The following LOXL2 variants were observed in gnomAD, a reference collection of about 807,000 sequenced individuals.
LOXL2 encodes lysyl oxidase like 2.
LOXL2 carries 70 observed loss-of-function variants against 93.0 expected under a neutral mutation model. The observed-to-expected ratio is 0.75, with a 90% CI of 0.62 to 0.92. The LOEUF (loss-of-function observed/expected upper bound fraction) is 0.92, where lower values mean the gene tolerates loss of function less well. Ranked by LOEUF, LOXL2 falls within the 40% of genes least tolerant of loss-of-function variation. The pLI, the probability that LOXL2 is intolerant of heterozygous loss-of-function variation, is 0.00. For synonymous variants in LOXL2, 438 were observed against 413.2 expected, an observed-to-expected ratio of 1.06 and a Z score of -0.73; for missense variants, 973 against 1,054.9, an observed-to-expected ratio of 0.92 and a Z score of 1.08.
At position 23,368,078 on chromosome 8, in the gene LOXL2, C is replaced by A. The variant is rs775789952; in HGVS notation, c.274G>T (p.Ala92Ser). The stretch of plus-strand genomic sequence containing the variant: ...AGCTCCCGGCAGACGACGTGGGCAG[C>A]GTGGATGGAGAAGTCGTCATCGCAC... ...TVCDDDFSIH[A>S]AHVVCRELGY... is the part of the protein sequence containing the mutation. Residue 92 changes from alanine (A) to serine (S), a missense_variant, in exon 2 of 14, where the codon GCT (alanine) becomes TCT (serine). Transcript: ENST00000389131. 7 of 1,613,930 alleles carry A rather than the reference C, an allele frequency of 4.3e-6. No individual in the cohort carries two copies. In the East Asian group the frequency reaches 6.7e-5, roughly 15 times the overall value.
At chr8:23,381,816 T>A (rs929733957) in intron 1 of LOXL2, among the ~76,000 whole-genome samples, 1 of 152,242 alleles carries the variant, frequency 6.6e-6, no homozygotes, top group Non-Finnish European at 1.5e-5. Context: ...TGGGCACCAA[T>A]GTTGTCCCCT....
intron 5 of LOXL2, among the ~76,000 whole-genome samples, chr8:23,330,773 A>G (rs2117168969): frequency 6.6e-6 from 1 of 151,204 alleles, no homozygotes; most frequent in African/African-American, 2.4e-5. Flanking sequence ...TGTGGCCATC[A>G]AATCATACAC....
At chr8:23,350,688 T>C (rs910020244) in intron 3 of LOXL2, among the ~76,000 whole-genome samples, 3 of 152,208 alleles carry the variant, frequency 2.0e-5, no homozygotes, top group African/African-American at 7.2e-5. Flanking sequence ...TAGAGGCCAG[T>C]GGAGGCCTGG....
chr8:23,320,095 G>T, intron 7 of LOXL2, 43 bp from the exon 8 acceptor site: 12 of 1,604,852 alleles, frequency 7.5e-6, no homozygotes, highest in Non-Finnish European at 1.0e-5. Context: ...GAGGGACAAG[G>T]GAGCTTCCCC....
chr8:23,325,805 C>G (rs1803568154), intron 6 of LOXL2, among the ~76,000 whole-genome samples: 1 of 152,222 alleles, frequency 6.6e-6, no homozygotes, highest in African/African-American at 2.4e-5. Flanking sequence ...GAGGCACCAA[C>G]AGGCAGTTGG....
intron 2 of LOXL2, among the ~76,000 whole-genome samples, chr8:23,367,072 G>T (rs1481624852): frequency 6.6e-6 from 1 of 152,068 alleles, no homozygotes; most frequent in South Asian, 2.1e-4. Flanking sequence ...TTTTTGAGAT[G>T]GAGTCTCGCT....
chr8:23,352,691 G>A (rs1472349912), intron 3 of LOXL2, among the ~76,000 whole-genome samples: 1 of 152,122 alleles, frequency 6.6e-6, no homozygotes, highest in Non-Finnish European at 1.5e-5. Flanking sequence ...GTTAAGATGA[G>A]AAGAAAGGGC....
At position 23,297,417 on chromosome 8, in the gene LOXL2, CAA is replaced by C. The variant is rs1167534370; in HGVS notation, c.*624_*625del. 1 of 152,084 alleles carries C rather than the reference CAA, an allele frequency of 6.6e-6. No homozygotes were observed. The highest frequency in any genetic ancestry group is 2.4e-5 in the African/African-American group (1 of 41,390). The allele number at this position is 152,084 out of a possible 1,614,324, so 9.4% of individuals were successfully genotyped here. On this transcript the variant is annotated 3_prime_UTR_variant, in exon 14 of 14. Coordinates refer to ENST00000389131, the MANE Select transcript of LOXL2 (RefSeq NM_002318.3). Reference sequence around the variant, plus strand: ...ATTAAATGCCAATAAATTTGTGCTTCAAAAGTCTGTGAAAATATAATAATAGT... The same window carrying C: ...ATTAAATGCCAATAAATTTGTGCTTCAAGTCTGTGAAAATATAATAATAGT...
intron 4 of LOXL2, 43 bp from the exon 5 acceptor site, chr8:23,333,666 G>A (rs948085483): frequency 8.0e-6 from 12 of 1,496,356 alleles, no homozygotes; most frequent in African/African-American, 1.4e-5. Flanking sequence ...GCATCATGAC[G>A]CCTACCCCGA....
intron 1 of LOXL2, chr8:23,382,305 CAGG>C (rs1462310661): frequency 2.6e-5 from 4 of 152,158 alleles, no homozygotes; most frequent in African/African-American, 9.7e-5. Flanking sequence ...ATCACGACGT[CAGG>C]AGTTCAAGAC....
intron 5 of LOXL2, among the ~76,000 whole-genome samples, chr8:23,330,609 G>T (rs1212737634): frequency 6.6e-6 from 1 of 151,850 alleles, no homozygotes; most frequent in Non-Finnish European, 1.5e-5. Flanking sequence ...AAAATATGAT[G>T]TAAGGCACGC....
At chr8:23,353,304 T>A (rs1317875592) in intron 3 of LOXL2, among the ~76,000 whole-genome samples, 4 of 152,204 alleles carry the variant, frequency 2.6e-5, no homozygotes, top group African/African-American at 9.6e-5. Flanking sequence ...GGGGCTCTGT[T>A]TGCCAGGTTT....
intron 1 of LOXL2, among the ~76,000 whole-genome samples, chr8:23,384,516 C>A (rs1414042856): frequency 6.6e-6 from 1 of 152,198 alleles, no homozygotes; most frequent in Non-Finnish European, 1.5e-5. Flanking sequence ...TCCAACAGTA[C>A]CTGCAGCTGG....
intron 5 of LOXL2, among the ~76,000 whole-genome samples, chr8:23,330,671 G>A (rs746181317): frequency 7.2e-5 from 11 of 152,132 alleles, no homozygotes; most frequent in Non-Finnish European, 1.3e-4. Flanking sequence ...GCTTTAAACC[G>A]CACAGTAGAG....
At chr8:23,363,298 T>C (rs1278700041) in intron 2 of LOXL2, 1 of 152,206 alleles carries the variant, frequency 6.6e-6, no homozygotes, top group Non-Finnish European at 1.5e-5. Flanking sequence ...ACGTGTCTGT[T>C]CTCACGGCTG....
At chr8:23,324,507 T>C (rs983199334) in intron 6 of LOXL2, among the ~76,000 whole-genome samples, 1 of 152,174 alleles carries the variant, frequency 6.6e-6, no homozygotes, top group African/African-American at 2.4e-5. Flanking sequence ...CTTCAGCGTC[T>C]GGGTGTCTGT....
At chr8:23,345,999 C>T (rs1044395517) in intron 3 of LOXL2, among the ~76,000 whole-genome samples, 5 of 151,548 alleles carry the variant, frequency 3.3e-5, no homozygotes, top group East Asian at 1.9e-4. Flanking sequence ...ACCTGGGAGG[C>T]GGAGGTTGCA....
Position 23,371,246 on chromosome 8 carries a change from A to G in LOXL2, c.-83-2812T>C, listed in dbSNP as rs528806162. On this transcript the variant is annotated intron_variant, in intron 1 of 13. Transcript: ENST00000389131. Reference sequence around the variant, plus strand: ...TAAGGACATCCCAGATAAACAAAAGAGGAGCGAGTCTGTCACCAGAATACC... The same window carrying G: ...TAAGGACATCCCAGATAAACAAAAGGGGAGCGAGTCTGTCACCAGAATACC... 7.2e-5 allele frequency: 11 copies of G among 152,308 alleles called. No homozygotes were observed. In the East Asian group the frequency reaches 1.7e-3, roughly 24 times the overall value. 9.4% of individuals were successfully genotyped at this position (152,308 alleles called of 1,614,324 possible).
Position 23,297,871 on chromosome 8 carries a change from T to G in LOXL2, c.*172A>C. On this transcript the variant is annotated 3_prime_UTR_variant, in exon 14 of 14. Transcript: ENST00000389131. Reference sequence around the variant, plus strand: ...GGGTCAGGTAGCAGCCCCCCATGAATGATGGGAGGGTCCCTTTCCTCCTGA... The same window carrying G: ...GGGTCAGGTAGCAGCCCCCCATGAAGGATGGGAGGGTCCCTTTCCTCCTGA... The G allele has an allele frequency of 1.7e-6, 1 of 581,084 alleles. No homozygotes were observed. Among genetic ancestry groups the G allele is most frequent in the Non-Finnish European group, 3.1e-6 (1 of 327,130 alleles). 36.0% of individuals were successfully genotyped at this position (581,084 alleles called of 1,614,324 possible).
Sources: gnomAD v4.1 joint callset for allele counts (sites outside exome capture counted in the v4.1 genomes callset) on GRCh38, gnomAD v4.1.1 for gene constraint, MANE v1.5 for transcripts, NCBI Gene and HGNC (gene_info 2026-07-23, HGNC 2026-07-21) for gene names.